Variants in FSTL4 observed in about 807,000 individuals in gnomAD.
FSTL4 encodes follistatin like 4.
In FSTL4, 28 loss-of-function variants were observed where a neutral mutation model predicts 78.2. The ratio of observed to expected loss-of-function variants is 0.36; its 90% confidence interval spans 0.27 to 0.49. FSTL4 has a LOEUF of 0.49. Among genes scored for constraint, FSTL4 ranks in the 20% least tolerant of loss-of-function variants. FSTL4 has a pLI of 0.98. For synonymous variants in FSTL4, 422 were observed against 440.5 expected (o/e 0.96, Z 0.53); for missense variants, 922 against 1,084.9 (o/e 0.85, Z 2.11).
chr5:133,767,879 G>A, the FSTL4 span, among the ~76,000 whole-genome samples: 1 of 152,324 alleles, frequency 6.6e-6, no homozygotes, highest in Admixed American at 6.5e-5. Context: ...ATCTCCCTCT[G>A]TAGCAACTAG....
intron 4 of FSTL4, among the ~76,000 whole-genome samples, chr5:133,376,573 G>A (rs755361122): frequency 3.3e-5 from 5 of 152,066 alleles, no homozygotes; most frequent in Non-Finnish European, 7.4e-5. Flanking sequence ...AAACCCAACC[G>A]GTTAAAGTAT....
the FSTL4 span, among the ~76,000 whole-genome samples, chr5:133,734,015 T>G: frequency 2.8e-3 from 432 of 152,340 alleles, 4 homozygotes; most frequent in African/African-American, 9.9e-3. Context: ...GAGAACTCTC[T>G]GAGAGAGCAC....
chr5:133,642,082 G>T, the FSTL4 span, among the ~76,000 whole-genome samples: 1 of 152,112 alleles, frequency 6.6e-6, no homozygotes, highest in African/African-American at 2.4e-5. Flanking sequence ...TTTGCCACTA[G>T]GTCCCAGCTG....
At chr5:133,402,703 T>C (rs1248601196) in intron 3 of FSTL4, among the ~76,000 whole-genome samples, 9 of 152,246 alleles carry the variant, frequency 5.9e-5, no homozygotes, top group African/African-American at 2.2e-4. Flanking sequence ...ACTGCTTGAT[T>C]CAATAATTCA....
intron 6 of FSTL4, among the ~76,000 whole-genome samples, chr5:133,257,463 T>C (rs1581575077): frequency 6.6e-6 from 1 of 152,214 alleles, no homozygotes; most frequent in South Asian, 2.1e-4. Flanking sequence ...TACCTGGGCA[T>C]CCCTCTAGGC....
intron 3 of FSTL4, among the ~76,000 whole-genome samples, chr5:133,507,433 C>T (rs1758631204): frequency 6.6e-6 from 1 of 152,054 alleles, no homozygotes; most frequent in Admixed American, 6.6e-5. Flanking sequence ...CCAGAGTCTA[C>T]TGCTCTTTTT....
At chr5:133,504,501 C>T (rs1010238723) in intron 3 of FSTL4, among the ~76,000 whole-genome samples, 13 of 152,170 alleles carry the variant, frequency 8.5e-5, no homozygotes, top group African/African-American at 1.2e-4. Context: ...TCCTTTAAAA[C>T]TATAAACCTC....
chr5:133,685,087 G>C, the FSTL4 span, among the ~76,000 whole-genome samples: 62,274 of 152,004 alleles, frequency 0.41, 13,051 homozygotes, highest in African/African-American at 0.5. Flanking sequence ...GCCTTGGCAG[G>C]GTCAGCCAAT....
At chr5:133,363,209 A>G (rs1047289079) in intron 4 of FSTL4, among the ~76,000 whole-genome samples, 2 of 152,208 alleles carry the variant, frequency 1.3e-5, no homozygotes, top group Non-Finnish European at 2.9e-5. Flanking sequence ...AGGTGTACAA[A>G]TTACCTCATG....
intron 6 of FSTL4, among the ~76,000 whole-genome samples, chr5:133,273,520 G>A (rs1477513834): frequency 6.6e-6 from 1 of 152,144 alleles, no homozygotes; most frequent in Non-Finnish European, 1.5e-5. Context: ...GAGCTACTTG[G>A]GGTCAGGGTT....
intron 3 of FSTL4, among the ~76,000 whole-genome samples, chr5:133,453,494 G>A (rs954432352): frequency 6.6e-6 from 1 of 152,184 alleles, no homozygotes; most frequent in Non-Finnish European, 1.5e-5. Flanking sequence ...CTTATCTTGG[G>A]CTATCTCAAG....
At chr5:133,727,075 C>T in the FSTL4 span, among the ~76,000 whole-genome samples, 112 of 152,264 alleles carry the variant, frequency 7.4e-4, no homozygotes, top group Non-Finnish European at 1.2e-3. Context: ...GTCTTCACAT[C>T]ATACAAACCA....
At chr5:133,478,992 T>C (rs551868367) in intron 3 of FSTL4, among the ~76,000 whole-genome samples, 5 of 152,304 alleles carry the variant, frequency 3.3e-5, no homozygotes, top group African/African-American at 9.6e-5. Flanking sequence ...TAAAGTGAAA[T>C]GTATTTGGAT....
intron 8 of FSTL4, among the ~76,000 whole-genome samples, chr5:133,230,458 A>C (rs185024736): frequency 9.9e-4 from 151 of 152,322 alleles, no homozygotes; most frequent in African/African-American, 3.5e-3. Flanking sequence ...GTGTGGAATG[A>C]ATCATTCCCT....
chr5:133,221,597 A>G (rs548012711), intron 11 of FSTL4, among the ~76,000 whole-genome samples: 1 of 152,260 alleles, frequency 6.6e-6, no homozygotes, highest in South Asian at 2.1e-4. Flanking sequence ...CTGAGGTCCA[A>G]GGAGGGAAAG....
intron 3 of FSTL4, among the ~76,000 whole-genome samples, chr5:133,517,479 CCACACACACACACACACACACACACA>C (rs70974086): frequency 1.8e-5 from 1 of 55,532 alleles, no homozygotes; most frequent in Non-Finnish European, 3.1e-5. Context: ...CACACACACA[CCACACACACACACACACACACACACA>C]CACACAAACT....
rs190254047 is a variant in FSTL4, at chr5:133,520,005, A to G, written c.160+47181T>C. On this transcript the variant is annotated intron_variant, in intron 3 of 15. Transcript: ENST00000265342. ...TCTGTATTGAAAGAGTAACAACATA[A>G]AACAGATGCACATGAAAAGAACCTG... is the stretch of plus-strand genomic sequence containing the variant. Among the ~76,000 whole-genome samples, 18 of 152,300 alleles carry G rather than the reference A, an allele frequency of 1.2e-4. No homozygotes were observed. In the East Asian group the frequency reaches 3.5e-3, roughly 29 times the overall value.
At chr5:133,386,853 A>G (rs1484273059) in intron 4 of FSTL4, among the ~76,000 whole-genome samples, 2 of 152,152 alleles carry the variant, frequency 1.3e-5, no homozygotes, top group East Asian at 3.8e-4. Flanking sequence ...TAATGTGCTC[A>G]CTGGGGTTGT....
intron 7 of FSTL4, among the ~76,000 whole-genome samples, chr5:133,240,620 A>G (rs1385690464): frequency 6.6e-6 from 1 of 152,134 alleles, no homozygotes; most frequent in African/African-American, 2.4e-5. Context: ...GTGTGCGGTC[A>G]GTCTTCTTCT....
Sources: gnomAD v4.1 joint callset for allele counts (sites outside exome capture counted in the v4.1 genomes callset) on GRCh38, gnomAD v4.1.1 for gene constraint, MANE v1.5 for transcripts, NCBI Gene and HGNC (gene_info 2026-07-23, HGNC 2026-07-21) for gene names.